The following NINL variants were observed in gnomAD, a reference collection of about 807,000 sequenced individuals.
The protein encoded by NINL is ninein like.
A neutral mutation model predicts 160.3 loss-of-function variants in NINL; 153 were observed. That is an observed-to-expected ratio of 0.95 (90% CI 0.84 to 1.09). The LOEUF is 1.09. Ranked by LOEUF, NINL falls within the 50% of genes least tolerant of loss-of-function variation. The pLI is 0.00. For synonymous variants in NINL, 800 were observed against 734.8 expected, an observed-to-expected ratio of 1.09 and a Z score of -1.43; for missense variants, 1,829 against 1,764.0, an observed-to-expected ratio of 1.04 and a Z score of -0.66.
chr20:25,518,830 G>C (rs893375941), intron 2 of NINL, among the ~76,000 whole-genome samples: 1 of 150,676 alleles, frequency 6.6e-6, no homozygotes, highest in Non-Finnish European at 1.5e-5. Flanking sequence ...AGGCATGGTT[G>C]CTCATGCCTG....
chr20:25,483,289 G>A (rs1423692231), intron 13 of NINL, among the ~76,000 whole-genome samples: 5 of 151,622 alleles, frequency 3.3e-5, no homozygotes, highest in Non-Finnish European at 5.9e-5. Context: ...AGCCGAGATT[G>A]TGCCACTCCA....
At chr20:25,566,577 G>A (rs1444772238) in intron 1 of NINL, among the ~76,000 whole-genome samples, 1 of 152,132 alleles carries the variant, frequency 6.6e-6, no homozygotes, top group Non-Finnish European at 1.5e-5. Flanking sequence ...AGATGAGTAA[G>A]GTTCATAAAA....
At chr20:25,555,616 A>G (rs924254508) in intron 1 of NINL, among the ~76,000 whole-genome samples, 1 of 152,174 alleles carries the variant, frequency 6.6e-6, no homozygotes, top group African/African-American at 2.4e-5. Context: ...CTGTAATCCC[A>G]GCACTTTGGG....
intron 2 of NINL, among the ~76,000 whole-genome samples, chr20:25,525,243 G>A (rs1198139351): frequency 6.6e-6 from 1 of 152,194 alleles, no homozygotes; most frequent in Non-Finnish European, 1.5e-5. Flanking sequence ...ACAAGAAGTC[G>A]GATTCAACCA....
intron 1 of NINL, among the ~76,000 whole-genome samples, chr20:25,580,637 C>T (rs913224558): frequency 6.6e-6 from 1 of 152,130 alleles, no homozygotes; most frequent in Admixed American, 6.6e-5. Flanking sequence ...ATGCTTGAAC[C>T]TAGGTCAAAA....
Position 25,504,909 on chromosome 20 carries a change from C to T in NINL, c.687G>A (p.Gly229=), listed in dbSNP as rs760985654. ...QELAVVCQSV[G]LQGLEKEELE... ...TCACCTCTTTCTCGAGTCCCTGGAG[C>T]CCGACGCTCTGGCAGACCACAGCCA... is the stretch of plus-strand genomic sequence containing the variant. Residue 229 remains glycine, a synonymous_variant, in exon 6 of 24, where the codon GGG becomes GGA. Coordinates refer to ENST00000278886, the MANE Select transcript of NINL (RefSeq NM_025176.6). 1.1e-5 allele frequency: 18 copies of T among 1,611,504 alleles called. No homozygotes were observed. Among genetic ancestry groups the T allele is most frequent in the Non-Finnish European group, 1.5e-5 (18 of 1,179,936 alleles).
chr20:25,566,894 C>G (rs6050685), intron 1 of NINL, among the ~76,000 whole-genome samples: 1 of 152,086 alleles, frequency 6.6e-6, no homozygotes. Flanking sequence ...TGGCTCACAC[C>G]TGTAATCCTA....
chr20:25,477,205 T>A (rs2063280324), intron 16 of NINL, 116 bp from the exon 17 acceptor site: 1 of 998,118 alleles, frequency 1.0e-6, no homozygotes, highest in Non-Finnish European at 1.4e-6. Flanking sequence ...GTTGGCTTTC[T>A]TTATCCCTCC....
intron 2 of NINL, among the ~76,000 whole-genome samples, 179 bp from the exon 3 acceptor site, chr20:25,518,028 A>G (rs184791909): frequency 6.6e-6 from 1 of 152,234 alleles, no homozygotes; most frequent in East Asian, 1.9e-4. Flanking sequence ...CATGATAAGG[A>G]AAGTAGAAGT....
chr20:25,575,154 A>AT (rs1368440946), intron 1 of NINL, among the ~76,000 whole-genome samples: 1 of 152,168 alleles, frequency 6.6e-6, no homozygotes, highest in Non-Finnish European at 1.5e-5. Flanking sequence ...TGTATAGAAA[A>AT]TTTAAAAGAA....
In NINL at chr20:25,480,281, G is replaced by T. The variant is rs1431333694; in HGVS notation, c.1811-14C>A. Reference sequence around the variant, plus strand: ...GGAATGAAATGCCTGCAAACAAGAGGCCACTTCCGTTTGTCACACTGAGGA... The same window carrying T: ...GGAATGAAATGCCTGCAAACAAGAGTCCACTTCCGTTTGTCACACTGAGGA... On this transcript the variant is annotated splice_polypyrimidine_tract_variant and intron_variant, in intron 14 of 23. Transcript: ENST00000278886. 3 of 1,607,948 alleles carry T rather than the reference G, an allele frequency of 1.9e-6. No individual in the cohort carries two copies. The highest frequency in any genetic ancestry group is 4.5e-5 in the East Asian group (2 of 44,834).
At chr20:25,565,623 A>C (rs1022277487) in intron 1 of NINL, among the ~76,000 whole-genome samples, 4 of 152,172 alleles carry the variant, frequency 2.6e-5, no homozygotes, top group African/African-American at 9.6e-5. Context: ...CTTCACTTGT[A>C]ATGGTTAATT....
intron 8 of NINL, among the ~76,000 whole-genome samples, chr20:25,500,348 G>A (rs1454402297): frequency 2.0e-5 from 3 of 152,190 alleles, no homozygotes; most frequent in Non-Finnish European, 4.4e-5. Flanking sequence ...AGGGAAGGGT[G>A]CACCTCCTGA....
At chr20:25,569,204 G>A (rs1230429491) in intron 1 of NINL, among the ~76,000 whole-genome samples, 1 of 149,982 alleles carries the variant, frequency 6.7e-6, no homozygotes, top group African/African-American at 2.5e-5. Context: ...CTCCAGCCTG[G>A]GTGACAGAGC....
At chr20:25,532,837 A>G (rs1405421577) in intron 1 of NINL, among the ~76,000 whole-genome samples, 2 of 152,196 alleles carry the variant, frequency 1.3e-5, no homozygotes. Context: ...GTCTCCTCCC[A>G]TACACCCGAT....
In NINL at chr20:25,461,749, C is replaced by A. The variant is rs2062790609; in HGVS notation, c.3583-114G>T. ...AAGAAAAAAAGTACAAAATTTAAATCCCTGTGAACCCACCAACCAAGGCCG... is the reference window on the plus strand; with the variant it reads ...AAGAAAAAAAGTACAAAATTTAAATACCTGTGAACCCACCAACCAAGGCCG... On this transcript the variant is annotated intron_variant, in intron 20 of 23. Transcript: ENST00000278886. 5.6e-6 allele frequency: 4 copies of A among 715,898 alleles called. No homozygotes were observed. The South Asian group carries it at 7.1e-5, about 13-fold the overall frequency. 44.3% of individuals were successfully genotyped at this position (715,898 alleles called of 1,614,324 possible).
intron 1 of NINL, among the ~76,000 whole-genome samples, chr20:25,528,657 A>G (rs2146972940): frequency 6.6e-6 from 1 of 152,328 alleles, no homozygotes; most frequent in South Asian, 2.1e-4. Context: ...AAATGTTACT[A>G]AAACACAAAA....
intron 13 of NINL, among the ~76,000 whole-genome samples, chr20:25,486,968 C>T (rs942249728): frequency 1.3e-5 from 2 of 152,220 alleles, no homozygotes; most frequent in Non-Finnish European, 2.9e-5. Context: ...TACTTCACAT[C>T]GATTGCTCAC....
In NINL at chr20:25,456,547, C is replaced by CA. The variant is rs1191383116; in HGVS notation, c.3844-762dup. Among the ~76,000 whole-genome samples the CA allele has an allele frequency of 7.8e-3, 1,044 of 134,312 alleles. 15 individuals are homozygous for CA. Among genetic ancestry groups the CA allele is most frequent in the African/African-American group, 0.026 (952 of 36,172 alleles). The allele number at this position is 134,312 out of a possible 152,430, so 88.1% of individuals were successfully genotyped here. ...TGGGTGACAGAGCAAGACTCCGTCT[C>CA]AAAAAAAAAACACAAAAAACAAAAA... On this transcript the variant is annotated intron_variant, in intron 22 of 23. Coordinates refer to ENST00000278886, the MANE Select transcript of NINL (RefSeq NM_025176.6).
Sources: gnomAD v4.1 joint callset for allele counts (sites outside exome capture counted in the v4.1 genomes callset) on GRCh38, gnomAD v4.1.1 for gene constraint, MANE v1.5 for transcripts, NCBI Gene and HGNC (gene_info 2026-07-23, HGNC 2026-07-21) for gene names.